TRPV3: variants seen among roughly 807,000 people sequenced by gnomAD.
The protein encoded by TRPV3 is VRL-3.
In TRPV3, 88 loss-of-function variants were observed where a neutral mutation model predicts 87.1. That is an observed-to-expected ratio of 1.01 (90% CI 0.85 to 1.21). TRPV3 has a LOEUF of 1.21. Among genes scored for constraint, TRPV3 ranks in the 50% most tolerant of loss-of-function variants. The probability of loss-of-function intolerance (pLI) is 0.00; values close to 1 mark genes in which losing one functional copy is unlikely to be tolerated. For synonymous variants in TRPV3, 438 were observed against 423.3 expected, an observed-to-expected ratio of 1.03 and a Z score of -0.43; for missense variants, 1,054 against 1,030.1, an observed-to-expected ratio of 1.02 and a Z score of -0.32.
chr17:3,550,899 A>ATAC (rs2074567621), intron 2 of TRPV3, among the ~76,000 whole-genome samples: 2 of 152,206 alleles, frequency 1.3e-5, no homozygotes, highest in Non-Finnish European at 2.9e-5. Flanking sequence ...ACTCAGGGAG[A>ATAC]CCGAAGGAAA....
At position 3,512,097 on chromosome 17, in the gene TRPV3, A is replaced by C. The variant is rs2074120439; in HGVS notation, c.*1820T>G. On this transcript the variant is annotated 3_prime_UTR_variant, in exon 18 of 18. Transcript: ENST00000576742. Reference sequence around the variant, plus strand: ...GTGCGCAACCAGCTTCTGCTTAAACATCTCCAACATCTGGAGCAGTTGCTG... The same window carrying C: ...GTGCGCAACCAGCTTCTGCTTAAACCTCTCCAACATCTGGAGCAGTTGCTG... 6.6e-6 allele frequency: 1 copy of C among 152,238 alleles called. No individual in the cohort carries two copies. The highest frequency in any genetic ancestry group is 1.5e-5 in the Non-Finnish European group (1 of 68,040). The allele number at this position is 152,238 out of a possible 1,614,324, so 9.4% of individuals were successfully genotyped here. A position where few individuals can be genotyped will look rare whatever the true frequency, so the allele number is the denominator to read the frequency against.
intron 12 of TRPV3, among the ~76,000 whole-genome samples, chr17:3,526,330 G>T (rs2135867): frequency 0.64 from 96,518 of 151,680 alleles, 31,072 homozygotes; most frequent in East Asian, 0.89. Context: ...ATACAAAAAG[G>T]AGCCAGGTGT....
intron 2 of TRPV3, among the ~76,000 whole-genome samples, chr17:3,547,187 G>A (rs1407420959): frequency 1.3e-5 from 2 of 152,186 alleles, no homozygotes; most frequent in East Asian, 1.9e-4. Context: ...GAAGTCAGAC[G>A]CCTTCTGAGG....
intron 6 of TRPV3, among the ~76,000 whole-genome samples, chr17:3,542,246 C>T (rs918787942): frequency 7.9e-5 from 12 of 152,238 alleles, no homozygotes; most frequent in Non-Finnish European, 1.8e-4. Flanking sequence ...CGTGAGCCAC[C>T]ACGCCCGGCC....
rs188396481 is a variant in TRPV3, at chr17:3,541,700, C to G, written c.643+822G>C. Among the ~76,000 whole-genome samples, 1,445 of 152,260 alleles carry G rather than the reference C, an allele frequency of 9.5e-3. 83 individuals carry two copies. The highest frequency in any genetic ancestry group is 0.08 in the Admixed American group (1,216 of 15,286). ...CTTTTGGTGGCCCCTGCCCGGCTCTCTTGCCTCACTTCCAGCCTTCTTTTC... is the reference window on the plus strand; with the variant it reads ...CTTTTGGTGGCCCCTGCCCGGCTCTGTTGCCTCACTTCCAGCCTTCTTTTC... On this transcript the variant is annotated intron_variant, in intron 6 of 17. Transcript: ENST00000576742.
Position 3,545,209 on chromosome 17 carries a change from G to A in TRPV3, c.182C>T (p.Pro61Leu). Residue 61 changes from proline to leucine, a missense_variant, in exon 3 of 18, where the codon CCT (proline) becomes CTT (leucine). Transcript: ENST00000576742. ...EPNPTVAKTS[P>L]PVFSKPMDSN... ...ATCCATGGGCTTGGAGAAGACAGGAGGAGAGGTCTTGGCAACTGTGGGGTT... is the reference window on the plus strand; with the variant it reads ...ATCCATGGGCTTGGAGAAGACAGGAAGAGAGGTCTTGGCAACTGTGGGGTT... 1.2e-6 allele frequency: 2 copies of A among 1,614,018 alleles called. No individual in the cohort carries two copies. The highest frequency in any genetic ancestry group is 1.6e-4 in the Middle Eastern group (1 of 6,062).
chr17:3,519,349 T>TG (rs2074211635), intron 14 of TRPV3, among the ~76,000 whole-genome samples: 1 of 150,942 alleles, frequency 6.6e-6, no homozygotes, highest in Admixed American at 6.6e-5. Context: ...GATGGATGGA[T>TG]GGATGGATAT....
At chr17:3,534,643 ATT>A (rs36088640) in intron 7 of TRPV3, among the ~76,000 whole-genome samples, 14 of 146,902 alleles carry the variant, frequency 9.5e-5, no homozygotes, top group Non-Finnish European at 1.2e-4. Context: ...ATGCATTTCA[ATT>A]TTTTTTTTTT....
chr17:3,551,634 C>G (rs115744301), intron 2 of TRPV3, among the ~76,000 whole-genome samples: 3,409 of 152,056 alleles, frequency 0.022, 124 homozygotes, highest in African/African-American at 0.072. Flanking sequence ...CTCTGCAAGG[C>G]CAGTGTCTCC....
At position 3,528,940 on chromosome 17, in the gene TRPV3, C is replaced by T. The variant is rs1371853337; in HGVS notation, c.1298G>A (p.Trp433Ter). 2.5e-6 allele frequency: 4 copies of T among 1,614,210 alleles called. No individual in the cohort carries two copies. The highest frequency in any genetic ancestry group is 2.2e-5 in the South Asian group (2 of 91,086). The change falls in exon 10 of 18, where the codon TGG becomes TAG. Residue 433 changes from tryptophan to a stop codon, truncating the protein, a stop_gained. Coordinates refer to ENST00000576742, the MANE Select transcript of TRPV3 (RefSeq NM_145068.4). LOFTEE classifies it high-confidence loss of function. The surrounding 1 kb of genome is among the most constrained non-coding windows in gnomAD (Gnocchi z 4.2). ...EPLHTLLHMKWKKFAKHMFFL... is the reference protein window; with the variant it reads ...EPLHTLLHMK ...GAACATGTGCTTGGCAAACTTCTTCCACTTCATATGCAGCAGCGTGTGCAG... is the reference window on the plus strand; with the variant it reads ...GAACATGTGCTTGGCAAACTTCTTCTACTTCATATGCAGCAGCGTGTGCAG...
At chr17:3,548,602 G>A (rs1415224603) in intron 2 of TRPV3, among the ~76,000 whole-genome samples, 4 of 152,236 alleles carry the variant, frequency 2.6e-5, no homozygotes, top group African/African-American at 4.8e-5. Flanking sequence ...AAGGCTCAGC[G>A]CTAATCCAGA....
At chr17:3,555,926 C>T (rs1412310642) in intron 1 of TRPV3, among the ~76,000 whole-genome samples, 1 of 152,146 alleles carries the variant, frequency 6.6e-6, no homozygotes, top group African/African-American at 2.4e-5. Context: ...CCTGTAATCC[C>T]AGCACTTTGG....
chr17:3,530,134 C>G lies in TRPV3; in HGVS notation c.1135G>C (p.Asp379His). Residue 379 changes from aspartate to histidine, a missense_variant, in exon 9 of 18, where the codon GAC (aspartate) becomes CAC (histidine). By Grantham distance (81) the Asp-to-His change is moderately conservative (BLOSUM62 -1). Coordinates refer to ENST00000576742, the MANE Select transcript of TRPV3 (RefSeq NM_145068.4). The surrounding 1 kb of genome is among the most constrained non-coding windows in gnomAD (Gnocchi z 4.0). ...RLRSLSRKFT[D>H]WAYGPVSSSL... ...GATGACACGGGTCCGTACGCCCAGTCGGTGAACTTCCTGGACAGGCTCCGG... is the reference window on the plus strand; with the variant it reads ...GATGACACGGGTCCGTACGCCCAGTGGGTGAACTTCCTGGACAGGCTCCGG... 2 of 1,614,112 alleles carry G rather than the reference C, an allele frequency of 1.2e-6. No homozygotes were observed. Among genetic ancestry groups the G allele is most frequent in the Non-Finnish European group, 1.7e-6 (2 of 1,179,990 alleles).
rs2074132973 is a variant in TRPV3 at position 3,512,947 on chromosome 17, A to G, written c.*970T>C. 1 of 152,164 alleles carries G rather than the reference A, an allele frequency of 6.6e-6. No individual in the cohort carries two copies. Among genetic ancestry groups the G allele is most frequent in the Non-Finnish European group, 1.5e-5 (1 of 68,042 alleles). The allele number at this position is 152,164 out of a possible 1,614,324, so 9.4% of individuals were successfully genotyped here. ...ATCGAGCAGCTGCTATTTCTGCTTC[A>G]GCGAAAGCCACGATCCCAGCACACA... On this transcript the variant is annotated 3_prime_UTR_variant, in exon 18 of 18. Transcript: ENST00000576742.
chr17:3,552,728 G>C (rs766727497), intron 2 of TRPV3: 1 of 152,266 alleles, frequency 6.6e-6, no homozygotes, highest in Non-Finnish European at 1.5e-5. Flanking sequence ...GCAGCCTGAC[G>C]GTTCCTGCTG....
chr17:3,527,986 C>G, intron 11 of TRPV3, 39 bp downstream of exon 11: 1 of 1,538,442 alleles, frequency 6.5e-7, no homozygotes, highest in South Asian at 1.1e-5. Context: ...ACCTGCCTGC[C>G]TCGCGGGGCG....
intron 6 of TRPV3, chr17:3,539,581 A>T (rs2074440722): frequency 6.6e-6 from 1 of 152,100 alleles, no homozygotes; most frequent in Admixed American, 6.5e-5. Context: ...GAGCCCAGGG[A>T]GGTCAAGGCT....
chr17:3,517,283 T>A (rs2074191359), intron 15 of TRPV3, among the ~76,000 whole-genome samples: 1 of 151,906 alleles, frequency 6.6e-6, no homozygotes, highest in South Asian at 2.1e-4. Context: ...TTCCTGGCCA[T>A]AATTTTTCCA....
chr17:3,526,789 G>A, intron 12 of TRPV3, 65 bp downstream of exon 12: 1 of 1,313,436 alleles, frequency 7.6e-7, no homozygotes, highest in African/African-American at 1.4e-5. Flanking sequence ...GGCGGACACG[G>A]CAGCCACCAT....
Sources: gnomAD v4.1 joint callset for allele counts (sites outside exome capture counted in the v4.1 genomes callset) on GRCh38, gnomAD v4.1.1 for gene constraint, Gnocchi (gnomAD v3.1) non-coding constraint, MANE v1.5 for transcripts, NCBI Gene and HGNC (gene_info 2026-07-23, HGNC 2026-07-21) for gene names.